The following AGGF1 variants were observed in gnomAD, a reference collection of about 807,000 sequenced individuals.
AGGF1 encodes angiogenic factor with G patch and FHA domains 1.
In AGGF1, 56 loss-of-function variants were observed where a neutral mutation model predicts 86.5. The observed-to-expected ratio is 0.65, with a 90% CI of 0.52 to 0.81. The LOEUF (loss-of-function observed/expected upper bound fraction) is 0.81, where lower values mean the gene tolerates loss of function less well. Ranked by LOEUF, AGGF1 falls within the 30% of genes least tolerant of loss-of-function variation. The pLI is 0.00. For synonymous variants in AGGF1, 313 were observed against 297.1 expected, an observed-to-expected ratio of 1.05 and a Z score of -0.55; for missense variants, 816 against 850.9, an observed-to-expected ratio of 0.96 and a Z score of 0.51.
chr5:77,059,589 C>G, intron 11 of AGGF1, 27 bp from the exon 12 acceptor site: 4 of 1,584,908 alleles, frequency 2.5e-6, no homozygotes, highest in Non-Finnish European at 3.5e-6. Flanking sequence ...CTTTCTTTTC[C>G]TGAATGAATA....
At position 77,058,397 on chromosome 5, in the gene AGGF1, T is replaced by G. The variant is rs113922294; in HGVS notation, c.1717-1219T>G. On this transcript the variant is annotated intron_variant, in intron 11 of 13. Transcript: ENST00000312916. ...TAAATTTTTATACTTCAAGAAGATG[T>G]GGAAAAAGAAGTTGCTGCCAAAATA... is the stretch of plus-strand genomic sequence containing the variant. Among the ~76,000 whole-genome samples the G allele has an allele frequency of 1.0e-3, 154 of 152,318 alleles. 1 individual carries two copies. The highest frequency in any genetic ancestry group is 1.6e-3 in the Non-Finnish European group (107 of 68,024).
In AGGF1 at chr5:77,035,590, G is replaced by A. The variant is rs747340676; in HGVS notation, c.363G>A (p.Val121=). The A allele has an allele frequency of 6.2e-7, 1 of 1,613,400 alleles. No homozygotes were observed. Among genetic ancestry groups the A allele is most frequent in the South Asian group, 1.1e-5 (1 of 91,008 alleles). ...YYNDVSLPNK[V]TELSDQQDQA... is the part of the protein sequence containing the mutation. ...ATGACGTTAGTCTTCCAAATAAAGT[G>A]ACTGAACTGTCAGATCAACAAGATC... The change falls in exon 3 of 14, where the codon GTG becomes GTA. Residue 121 remains valine (V), a synonymous_variant. Transcript: ENST00000312916.
Position 77,034,476 on chromosome 5 carries a change from A to C in AGGF1, c.269A>C (p.Asp90Ala). 6.2e-7 allele frequency: 1 copy of C among 1,613,610 alleles called. No homozygotes were observed. Among genetic ancestry groups the C allele is most frequent in the Non-Finnish European group, 8.5e-7 (1 of 1,179,636 alleles). ...AGAAATGAAGATAATAAAAAGTCTG[A>C]TGTAGAAGTACAAACAGAGAACCAT... ...RGRNEDNKKSDVEVQTENHAP... is the reference protein window; with the variant it reads ...RGRNEDNKKSAVEVQTENHAP... The change falls in exon 2 of 14, where the codon GAT becomes GCT. Residue 90 changes from aspartate (D) to alanine (A), a missense_variant. This residue lies in a region of AGGF1 where 240 missense variants were observed against 234.4 expected (regional missense o/e 1.02). Transcript: ENST00000312916.
In AGGF1 at chr5:77,052,697, CT is replaced by C. The variant is rs761102959; in HGVS notation, c.1366-6del. On this transcript the variant is annotated splice_polypyrimidine_tract_variant and splice_region_variant and intron_variant, in intron 8 of 13. Coordinates refer to ENST00000312916, the MANE Select transcript of AGGF1 (RefSeq NM_018046.5). ...AATAATTAATAATTGCTTGATTTCA[CT>C]TTCTAAGTTTCATGCAGAAATTTAT... is the stretch of plus-strand genomic sequence containing the variant. 7 of 1,599,214 alleles carry C rather than the reference CT, an allele frequency of 4.4e-6. No homozygotes were observed. In the African/African-American group the frequency reaches 8.0e-5, roughly 18 times the overall value.
rs144223703 is a variant in AGGF1 at position 77,039,552 on chromosome 5, C to A, written c.703C>A (p.Pro235Thr). The change falls in exon 5 of 14, where the codon CCT becomes ACT. Residue 235 changes from proline (P) to threonine (T), a missense_variant. Physicochemically the swap from Pro to Thr is conservative, Grantham distance 38 (BLOSUM62 -1). Around this residue, in one of 3 missense-constraint regions of AGGF1, gnomAD observed 565 missense variants for 585.8 expected, o/e 0.96. Coordinates refer to ENST00000312916, the MANE Select transcript of AGGF1 (RefSeq NM_018046.5). ...YDSENQLYYD[P>T]STGIYYYCDV... Reference sequence around the variant, plus strand: ...AAAGGAAAATCAACTCTATTATGATCCTTCCACTGGAATTTATTACTATTG... The same window carrying A: ...AAAGGAAAATCAACTCTATTATGATACTTCCACTGGAATTTATTACTATTG... 2 of 1,608,646 alleles carry A rather than the reference C, an allele frequency of 1.2e-6. No homozygotes were observed. Among genetic ancestry groups the A allele is most frequent in the African/African-American group, 1.3e-5 (1 of 74,918 alleles).
rs1746971558 is a variant in AGGF1, at chr5:77,036,569, C to T, written c.530C>T (p.Ala177Val). Residue 177 changes from alanine to valine, a missense_variant, in exon 4 of 14, where the codon GCA becomes GTA. Physicochemically the swap from Ala to Val is moderately conservative, Grantham distance 64 (BLOSUM62 0). Transcript: ENST00000312916. ...FASNSQEPAS[A>V]LATEDTSLEG... ...TATCTTTTATAGGAGCCAGCATCTG[C>T]ATTAGCAACAGAAGATACCTCCTTA... The T allele has an allele frequency of 1.2e-6, 2 of 1,614,044 alleles. No individual in the cohort carries two copies. The highest frequency in any genetic ancestry group is 1.7e-6 in the Non-Finnish European group (2 of 1,179,952).
rs752316898 is a variant in AGGF1, at chr5:77,030,783, C to CGTCCCCGCCGCG, written c.21_32dup (p.Arg10_Pro13dup). ...CCGGAGCTCATGGCCTCGGAGGCGC[C>CGTCCCCGCCGCG]GTCCCCGCCGCGGTCGCCGCCGCCG... On this transcript the variant is annotated inframe_insertion, in exon 1 of 14. Coordinates refer to ENST00000312916, the MANE Select transcript of AGGF1 (RefSeq NM_018046.5). The CGTCCCCGCCGCG allele has an allele frequency of 8.2e-6, 13 of 1,583,150 alleles. No homozygotes were observed. The South Asian group carries it at 1.5e-4, about 18-fold the overall frequency.
At chr5:77,036,497 A>G (rs1388508331) in intron 3 of AGGF1, 59 bp from the exon 4 acceptor site, 1 of 1,589,606 alleles carries the variant, frequency 6.3e-7, no homozygotes, top group African/African-American at 1.4e-5. Flanking sequence ...AGTTCAGCCA[A>G]CTTTTTAATT....
Position 77,030,772 on chromosome 5 carries a change from C to G in AGGF1, c.6C>G (p.Ala2=), listed in dbSNP as rs774327925. 47 of 1,573,948 alleles carry G rather than the reference C, an allele frequency of 3.0e-5. No homozygotes were observed. The highest frequency in any genetic ancestry group is 3.8e-5 in the Non-Finnish European group (44 of 1,165,956). The stretch of plus-strand genomic sequence containing the variant: ...GCAGTCTCGCGCCGGAGCTCATGGC[C>G]TCGGAGGCGCCGTCCCCGCCGCGGT... M[A]SEAPSPPRSP... The change falls in exon 1 of 14, where the codon GCC becomes GCG. Residue 2 remains alanine (A), a synonymous_variant. Coordinates refer to ENST00000312916, the MANE Select transcript of AGGF1 (RefSeq NM_018046.5).
intron 5 of AGGF1, among the ~76,000 whole-genome samples, chr5:77,042,227 G>A (rs1180742004): frequency 6.6e-6 from 1 of 151,384 alleles, no homozygotes; most frequent in Non-Finnish European, 1.5e-5. Context: ...CACAGACACG[G>A]CAACCATCCG....
Position 77,039,592 on chromosome 5 carries a change from G to C in AGGF1, c.743G>C (p.Gly248Ala). Residue 248 changes from glycine to alanine, a missense_variant, in exon 5 of 14, where the codon GGT becomes GCT. Physicochemically the swap from Gly to Ala is moderately conservative, Grantham distance 60. Coordinates refer to ENST00000312916, the MANE Select transcript of AGGF1 (RefSeq NM_018046.5). Reference sequence around the variant, plus strand: ...TATTACTATTGTGATGTGGAAAGTGGTCGTTATCAGTTTCATTCTCGAGTA... The same window carrying C: ...TATTACTATTGTGATGTGGAAAGTGCTCGTTATCAGTTTCATTCTCGAGTA... Reference protein sequence around the residue: ...GIYYYCDVESGRYQFHSRVDL... With the variant: ...GIYYYCDVESARYQFHSRVDL... The C allele has an allele frequency of 6.2e-7, 1 of 1,613,060 alleles. No homozygotes were observed. The highest frequency in any genetic ancestry group is 1.7e-5 in the Admixed American group (1 of 59,984).
chr5:77,048,207 A>G lies in AGGF1; in HGVS notation c.1248A>G (p.Arg416=), dbSNP rs1302342075. 1 of 1,613,844 alleles carries G rather than the reference A, an allele frequency of 6.2e-7. No individual in the cohort carries two copies. The highest frequency in any genetic ancestry group is 8.5e-7 in the Non-Finnish European group (1 of 1,179,828). The change falls in exon 7 of 14, where the codon AGA becomes AGG. Residue 416 remains arginine (R), a synonymous_variant. Transcript: ENST00000312916. ...WPPCIRVIVI[R]SPVLQIGSLF... is the part of the protein sequence containing the mutation. ...CATGTATTAGAGTAATTGTCATTAG[A>G]TCACCTGTGTTGCAGATAGGATCAC...
At chr5:77,043,277 C>G (rs1418486986) in intron 5 of AGGF1, among the ~76,000 whole-genome samples, 1 of 30,112 alleles carries the variant, frequency 3.3e-5, no homozygotes. Context: ...GCGCCCCTCA[C>G]CTCCCAGACG....
chr5:77,056,512 G>A (rs1167172289), intron 11 of AGGF1, among the ~76,000 whole-genome samples: 1 of 151,540 alleles, frequency 6.6e-6, no homozygotes, highest in Non-Finnish European at 1.5e-5. Context: ...ACAGGTGCGA[G>A]CCACTGTGCC....
chr5:77,054,069 T>C lies in AGGF1; in HGVS notation c.1572T>C (p.Asp524=), dbSNP rs1252769875. ...FHIHPGSDTC[D]GCEPGQVRAH... ...TTCATCCTGGCAGTGATACCTGTGA[T>C]GGCTGTGAACCAGGGCAGGTTAGAG... is the stretch of plus-strand genomic sequence containing the variant. The change falls in exon 10 of 14, where the codon GAT becomes GAC. Residue 524 remains aspartate, a synonymous_variant. Transcript: ENST00000312916. 5 of 1,614,074 alleles carry C rather than the reference T, an allele frequency of 3.1e-6. No individual in the cohort carries two copies. Among genetic ancestry groups the C allele is most frequent in the Non-Finnish European group, 4.2e-6 (5 of 1,180,022 alleles).
Position 77,059,846 on chromosome 5 carries a change from ATTTG to A in AGGF1, c.1844+107_1844+110del, listed in dbSNP as rs142416712. ...ATATATCCTGATAGGTGGCCTATTTATTTGTTTATTTATGAGATGGAGTCTTGCT... is the reference window on the plus strand; with the variant it reads ...ATATATCCTGATAGGTGGCCTATTTATTTATTTATGAGATGGAGTCTTGCT... On this transcript the variant is annotated intron_variant, in intron 12 of 13. Transcript: ENST00000312916. 1,273 of 1,457,388 alleles carry A rather than the reference ATTTG, an allele frequency of 8.7e-4. 9 individuals carry two copies. The African/African-American group carries it at 0.015, about 17-fold the overall frequency. 90.3% of individuals were successfully genotyped at this position (1,457,388 alleles called of 1,614,324 possible).
chr5:77,031,882 C>T (rs1389577552), intron 1 of AGGF1, among the ~76,000 whole-genome samples: 2 of 152,002 alleles, frequency 1.3e-5, no homozygotes, highest in East Asian at 3.9e-4. Context: ...CCAGCCAGGG[C>T]GACAGAGTGC....
At chr5:77,041,740 T>G (rs1181841428) in intron 5 of AGGF1, among the ~76,000 whole-genome samples, 2 of 151,370 alleles carry the variant, frequency 1.3e-5, no homozygotes, top group African/African-American at 4.8e-5. Flanking sequence ...TACTCATCTT[T>G]GCCATTCTTC....
chr5:77,063,364 C>A lies in AGGF1; in HGVS notation c.*112C>A. ...AGGGGAACTATGTCACAGTTTACCT[C>A]TTCCTGATTCAGAAATGTGTATGGT... is the stretch of plus-strand genomic sequence containing the variant. On this transcript the variant is annotated 3_prime_UTR_variant, in exon 14 of 14. Transcript: ENST00000312916. The A allele has an allele frequency of 9.0e-7, 1 of 1,114,676 alleles. No homozygotes were observed. The highest frequency in any genetic ancestry group is 1.3e-6 in the Non-Finnish European group (1 of 772,992). The allele number at this position is 1,114,676 out of a possible 1,614,324, so 69.0% of individuals were successfully genotyped here. A position where few individuals can be genotyped will look rare whatever the true frequency, so the allele number is the denominator to read the frequency against.
Sources: gnomAD v4.1 joint callset for allele counts (sites outside exome capture counted in the v4.1 genomes callset) on GRCh38, gnomAD v4.1.1 for gene constraint, gnomAD v4.1.1 regional missense constraint, MANE v1.5 for transcripts, NCBI Gene and HGNC (gene_info 2026-07-23, HGNC 2026-07-21) for gene names.